PCDHGA5: variants seen among roughly 807,000 people sequenced by gnomAD.
PCDHGA5 encodes protocadherin gamma-A5.
In PCDHGA5, 36 loss-of-function variants were observed where a neutral mutation model predicts 56.7. That is an observed-to-expected ratio of 0.64 (90% CI 0.49 to 0.84). PCDHGA5 has a LOEUF of 0.84. Ranked by LOEUF, PCDHGA5 falls within the 40% of genes least tolerant of loss-of-function variation. PCDHGA5 has a pLI of 0.00. For missense variants in PCDHGA5, 1,305 were observed against 1,201.5 expected, an observed-to-expected ratio of 1.09 and a Z score of -1.27; for synonymous variants, 563 against 520.2, an observed-to-expected ratio of 1.08 and a Z score of -1.12.
Position 141,481,350 on chromosome 5 carries a change from T to C in PCDHGA5, c.2422-13457T>C, listed in dbSNP as rs901892475. Among the ~76,000 whole-genome samples, 4 of 152,248 alleles carry C rather than the reference T, an allele frequency of 2.6e-5. No homozygotes were observed. The South Asian group carries it at 8.3e-4, about 32-fold the overall frequency. On this transcript the variant is annotated intron_variant, in intron 1 of 3. Coordinates refer to ENST00000518069, the MANE Select transcript of PCDHGA5 (RefSeq NM_018918.3). The stretch of plus-strand genomic sequence containing the variant: ...CCTGGACAACTATTATTTAAACATC[T>C]ACAGCTGTTCAATAGATATTGGGTT...
Position 141,431,334 on chromosome 5 carries a change from C to G in PCDHGA5, c.2422-63473C>G, listed in dbSNP as rs775651426. ...AATGGAGCCGACGGTAGTAAGTACC[C>G]CGAATTGGTGCTGAAACGCGCCCTG... On this transcript the variant is annotated intron_variant, in intron 1 of 3. Transcript: ENST00000518069. This position sits in a 1 kb window ranked among gnomAD's most constrained non-coding sequence, Gnocchi z 4.8. 1.9e-6 allele frequency: 3 copies of G among 1,614,118 alleles called. No individual in the cohort carries two copies. The South Asian group carries it at 3.3e-5, about 18-fold the overall frequency.
Position 141,486,335 on chromosome 5 carries a change from C to T in PCDHGA5, c.2422-8472C>T, listed in dbSNP as rs762408704. ...AGGGTCAAACGGAGATGTGAGCCTC[C>T]GCATTCCTGACCACTTGCCATTTGC... On this transcript the variant is annotated intron_variant, in intron 1 of 3. Transcript: ENST00000518069. The surrounding 1 kb of genome is among the most constrained non-coding windows in gnomAD (Gnocchi z 5.0). 6.2e-6 allele frequency: 10 copies of T among 1,613,936 alleles called. No individual in the cohort carries two copies. Among genetic ancestry groups the T allele is most frequent in the Middle Eastern group, 1.6e-4 (1 of 6,082 alleles).
intron 1 of PCDHGA5, among the ~76,000 whole-genome samples, chr5:141,447,749 T>G (rs1462661604): frequency 6.6e-6 from 1 of 152,196 alleles, no homozygotes; most frequent in Non-Finnish European, 1.5e-5. Context: ...GAGTCTTGCA[T>G]GTGACTGTAT....
chr5:141,430,766 C>T, intron 1 of PCDHGA5: 1 of 1,504,534 alleles, frequency 6.6e-7, no homozygotes, highest in Non-Finnish European at 8.9e-7. Context: ...AAGAATGATT[C>T]CTGCGCGACT....
chr5:141,438,471 A>C (rs1019238906), intron 1 of PCDHGA5, among the ~76,000 whole-genome samples: 4 of 151,396 alleles, frequency 2.6e-5, no homozygotes, highest in Admixed American at 2.6e-4. Flanking sequence ...CAATTATTGG[A>C]AAGTGGTCTC....
At chr5:141,437,741 CTT>C (rs35124340) in intron 1 of PCDHGA5, among the ~76,000 whole-genome samples, 17 of 141,612 alleles carry the variant, frequency 1.2e-4, no homozygotes, top group Admixed American at 2.1e-4. Flanking sequence ...TTGAGTTCAC[CTT>C]TTTTTTTTTT....
At chr5:141,488,978 C>T (rs1346335195) in intron 1 of PCDHGA5, 4 of 388,976 alleles carry the variant, frequency 1.0e-5, no homozygotes, top group African/African-American at 2.1e-5. Flanking sequence ...GCCAATCAGA[C>T]TCAGAGCTGA....
At chr5:141,478,408 G>C in intron 1 of PCDHGA5, 1 of 1,613,340 alleles carries the variant, frequency 6.2e-7, no homozygotes, top group Non-Finnish European at 8.5e-7. Flanking sequence ...ATCTCACCAC[G>C]GACTCCCGCC....
At chr5:141,369,589 A>C (rs1339057936) in intron 1 of PCDHGA5, among the ~76,000 whole-genome samples, 4 of 152,238 alleles carry the variant, frequency 2.6e-5, no homozygotes, top group Non-Finnish European at 5.9e-5. Flanking sequence ...GCTTTTTACT[A>C]TACTTCTATT....
rs201372696 is a variant in PCDHGA5, at chr5:141,400,469, C to T, written c.2421+33718C>T. On this transcript the variant is annotated intron_variant, in intron 1 of 3. Coordinates refer to ENST00000518069, the MANE Select transcript of PCDHGA5 (RefSeq NM_018918.3). ...CAAGACATACTTTGTGGTGATTCATCTGGGGCCTTATTTCCACTTTGTAAT... is the reference window on the plus strand; with the variant it reads ...CAAGACATACTTTGTGGTGATTCATTTGGGGCCTTATTTCCACTTTGTAAT... 15 of 1,613,944 alleles carry T rather than the reference C, an allele frequency of 9.3e-6. No individual in the cohort carries two copies. The African/African-American group carries it at 1.9e-4, about 20-fold the overall frequency.
chr5:141,497,492 C>G (rs954582026), intron 2 of PCDHGA5, among the ~76,000 whole-genome samples: 1 of 151,628 alleles, frequency 6.6e-6, no homozygotes, highest in Non-Finnish European at 1.5e-5. Flanking sequence ...ACCTCTCTCT[C>G]TCTCCTCTCT....
chr5:141,452,088 AAG>A (rs1200732162), intron 1 of PCDHGA5, among the ~76,000 whole-genome samples: 2 of 152,206 alleles, frequency 1.3e-5, no homozygotes, highest in African/African-American at 4.8e-5. Flanking sequence ...ATTATACAGT[AAG>A]AAAGAGCTTT....
chr5:141,375,784 C>T, intron 1 of PCDHGA5: 1 of 1,614,254 alleles, frequency 6.2e-7, no homozygotes. Context: ...ACCCCGCCCT[C>T]CCCACAGACG....
At chr5:141,383,621 T>C (rs1392247611) in intron 1 of PCDHGA5, 1 of 1,613,762 alleles carries the variant, frequency 6.2e-7, no homozygotes, top group Admixed American at 1.7e-5. Flanking sequence ...CACACGCCTG[T>C]CTTCTCTCTG....
intron 1 of PCDHGA5, among the ~76,000 whole-genome samples, chr5:141,462,192 T>C (rs1323806836): frequency 6.6e-6 from 1 of 152,198 alleles, no homozygotes; most frequent in Non-Finnish European, 1.5e-5. Context: ...ACTCCTGACC[T>C]CAGGTGATCC....
intron 1 of PCDHGA5, chr5:141,400,071 GC>G: frequency 6.2e-7 from 1 of 1,613,942 alleles, no homozygotes; most frequent in Non-Finnish European, 8.5e-7. Flanking sequence ...GTGGACAGCC[GC>G]CACTCTCCGC....
chr5:141,438,627 T>TATAC (rs2098031123), intron 1 of PCDHGA5, among the ~76,000 whole-genome samples: 4 of 48,012 alleles, frequency 8.3e-5, no homozygotes, highest in Admixed American at 6.2e-4. Flanking sequence ...TATATATATA[T>TATAC]ATATATATAC....
chr5:141,405,203 C>T, intron 1 of PCDHGA5: 2 of 1,613,520 alleles, frequency 1.2e-6, no homozygotes, highest in Non-Finnish European at 1.7e-6. Context: ...AGCTTTCCTA[C>T]AGACCTATTC....
intron 1 of PCDHGA5, chr5:141,370,714 A>C: frequency 6.2e-7 from 1 of 1,613,830 alleles, no homozygotes. Context: ...CTGGAATTTG[A>C]AATGGTTGCT....
Sources: allele counts gnomAD v4.1 joint callset (sites outside exome capture counted in the v4.1 genomes callset), GRCh38; gene constraint gnomAD v4.1.1; non-coding constraint Gnocchi (gnomAD v3.1); transcripts MANE v1.5; gene names NCBI Gene and HGNC (gene_info 2026-07-23, HGNC 2026-07-21).